TSPAN18: variants seen among roughly 807,000 people sequenced by gnomAD.
TSPAN18 encodes the protein tetraspanin 18.
Under a neutral mutation model 27.3 loss-of-function variants are expected in TSPAN18, and 14 were observed. The observed-to-expected ratio is 0.51, with a 90% CI of 0.34 to 0.80. The LOEUF (loss-of-function observed/expected upper bound fraction) is 0.80, where lower values mean the gene tolerates loss of function less well. Ranked by LOEUF, TSPAN18 falls within the 30% of genes least tolerant of loss-of-function variation. The pLI, the probability that TSPAN18 is intolerant of heterozygous loss-of-function variation, is 0.01. For synonymous variants in TSPAN18, 143 were observed against 136.5 expected (o/e 1.05, Z -0.33); for missense variants, 268 against 323.9 (o/e 0.83, Z 1.32).
intron 2 of TSPAN18, among the ~76,000 whole-genome samples, chr11:44,844,085 T>C (rs991185657): frequency 2.6e-5 from 4 of 152,214 alleles, no homozygotes; most frequent in Admixed American, 6.5e-5. Context: ...TGTTTAGAGA[T>C]TGCAGTAAAG....
At chr11:44,795,253 C>T (rs989197068) in intron 2 of TSPAN18, among the ~76,000 whole-genome samples, 2 of 152,124 alleles carry the variant, frequency 1.3e-5, no homozygotes, top group Non-Finnish European at 2.9e-5. Context: ...CCTCACTGGC[C>T]CACTCCAGCA....
chr11:44,877,321 T>C (rs1336495246), intron 3 of TSPAN18, among the ~76,000 whole-genome samples: 2 of 152,152 alleles, frequency 1.3e-5, no homozygotes, highest in Non-Finnish European at 2.9e-5. Context: ...CTAATGGACA[T>C]TGGGTGGGGT....
At chr11:44,760,748 C>T (rs920259711) in intron 1 of TSPAN18, among the ~76,000 whole-genome samples, 1 of 152,190 alleles carries the variant, frequency 6.6e-6, no homozygotes, top group African/African-American at 2.4e-5. Context: ...TTATACTCAT[C>T]GTAGTTACTG....
At chr11:44,746,327 C>T (rs920384579) in intron 1 of TSPAN18, among the ~76,000 whole-genome samples, 3 of 152,134 alleles carry the variant, frequency 2.0e-5, no homozygotes, top group African/African-American at 7.2e-5. Flanking sequence ...AGGGAACAGA[C>T]GTCTCCTGGT....
intron 3 of TSPAN18, among the ~76,000 whole-genome samples, chr11:44,893,182 G>A (rs950286397): frequency 6.6e-6 from 1 of 152,220 alleles, no homozygotes; most frequent in Non-Finnish European, 1.5e-5. Flanking sequence ...GCAGGGACAG[G>A]GTGCCCATCC....
At chr11:44,802,082 C>G (rs1856492644) in intron 2 of TSPAN18, among the ~76,000 whole-genome samples, 1 of 152,088 alleles carries the variant, frequency 6.6e-6, no homozygotes, top group South Asian at 2.1e-4. Context: ...ATCATCCATG[C>G]ACTTCCCTGC....
At chr11:44,727,670 G>A (rs963373585) in intron 1 of TSPAN18, among the ~76,000 whole-genome samples, 1 of 152,134 alleles carries the variant, frequency 6.6e-6, no homozygotes, top group Admixed American at 6.5e-5. Context: ...GGGGCTGCTC[G>A]CCACGCCACC....
At chr11:44,862,335 G>A (rs1857918510) in intron 3 of TSPAN18, among the ~76,000 whole-genome samples, 1 of 152,224 alleles carries the variant, frequency 6.6e-6, no homozygotes, top group Non-Finnish European at 1.5e-5. Flanking sequence ...ACCACAGCTT[G>A]TGATGCTGCC....
intron 2 of TSPAN18, among the ~76,000 whole-genome samples, chr11:44,791,834 C>G (rs1856231938): frequency 6.6e-6 from 1 of 152,210 alleles, no homozygotes; most frequent in Non-Finnish European, 1.5e-5. Flanking sequence ...GTGACCTCGA[C>G]AAGCCATTTC....
At chr11:44,766,336 G>T (rs1381421135) in intron 2 of TSPAN18, among the ~76,000 whole-genome samples, 1 of 152,204 alleles carries the variant, frequency 6.6e-6, no homozygotes, top group East Asian at 1.9e-4. Context: ...GACAGCGTCT[G>T]TGTCCCACGG....
chr11:44,899,507 C>A (rs542120950), intron 3 of TSPAN18, among the ~76,000 whole-genome samples: 1 of 152,354 alleles, frequency 6.6e-6, no homozygotes, highest in South Asian at 2.1e-4. Context: ...CCCCAGAGTC[C>A]TCCCCTCTCC....
intron 3 of TSPAN18, among the ~76,000 whole-genome samples, chr11:44,875,284 G>A (rs1408297249): frequency 6.6e-6 from 1 of 152,252 alleles, no homozygotes; most frequent in Non-Finnish European, 1.5e-5. Context: ...GCAGCAGAGG[G>A]CTTAGCTTTC....
intron 1 of TSPAN18, among the ~76,000 whole-genome samples, chr11:44,750,157 CAGTT>C (rs1430201668): frequency 2.6e-5 from 4 of 152,186 alleles, no homozygotes; most frequent in South Asian, 2.1e-4. Context: ...AGCAGGCACT[CAGTT>C]AGAATTATTT....
At position 44,742,375 on chromosome 11, in the gene TSPAN18, TC is replaced by T. The variant is rs887065354; in HGVS notation, c.-240+15093del. Among the ~76,000 whole-genome samples, 3 of 141,308 alleles carry T rather than the reference TC, an allele frequency of 2.1e-5. No homozygotes were observed. The Admixed American group carries it at 2.2e-4, about 11-fold the overall frequency. 92.7% of individuals were successfully genotyped at this position (141,308 alleles called of 152,430 possible). ...CTCCTTCCTTCCTTACCTCTTTCCC[TC>T]CCCCATTTTTTCTTTTCTTCGTTCC... is the stretch of plus-strand genomic sequence containing the variant. On this transcript the variant is annotated intron_variant, in intron 1 of 9. Transcript: ENST00000520358.
chr11:44,833,038 T>G (rs1480543380), intron 2 of TSPAN18, among the ~76,000 whole-genome samples: 9 of 152,066 alleles, frequency 5.9e-5, no homozygotes. Flanking sequence ...AGCTTCCATG[T>G]TTGAAGACAC....
At chr11:44,889,753 C>T (rs1314270627) in intron 3 of TSPAN18, among the ~76,000 whole-genome samples, 1 of 152,184 alleles carries the variant, frequency 6.6e-6, no homozygotes, top group Non-Finnish European at 1.5e-5. Context: ...AGCCCTGGAC[C>T]CCAGATAAAC....
At chr11:44,883,568 C>T (rs1858554320) in intron 3 of TSPAN18, among the ~76,000 whole-genome samples, 1 of 152,238 alleles carries the variant, frequency 6.6e-6, no homozygotes, top group African/African-American at 2.4e-5. Context: ...CAACTCCACC[C>T]AGGCCACTCT....
intron 2 of TSPAN18, among the ~76,000 whole-genome samples, chr11:44,829,277 C>T (rs932415051): frequency 1.3e-5 from 2 of 152,116 alleles, no homozygotes; most frequent in African/African-American, 4.8e-5. Context: ...ATGTGTCTAC[C>T]GGTACTGTGT....
At position 44,900,711 on chromosome 11, in the gene TSPAN18, T is replaced by G. The variant is rs894847250; in HGVS notation, c.-10-5696T>G. Among the ~76,000 whole-genome samples, 554 of 91,068 alleles carry G rather than the reference T, an allele frequency of 6.1e-3. 4 individuals carry two copies. Among genetic ancestry groups the G allele is most frequent in the Non-Finnish European group, 0.011 (475 of 44,008 alleles). 59.7% of individuals were successfully genotyped at this position (91,068 alleles called of 152,430 possible). A position where few individuals can be genotyped will look rare whatever the true frequency, so the allele number is the denominator to read the frequency against. ...TTTTTTTTTTTTTTTTTTTTTTTTT[T>G]GAGATGGAATTTCACTCTTGTTGCC... is the stretch of plus-strand genomic sequence containing the variant. On this transcript the variant is annotated intron_variant, in intron 3 of 9. Transcript: ENST00000520358.
Sources: allele counts gnomAD v4.1 joint callset (sites outside exome capture counted in the v4.1 genomes callset), GRCh38; gene constraint gnomAD v4.1.1; transcripts MANE v1.5; gene names NCBI Gene and HGNC (gene_info 2026-07-23, HGNC 2026-07-21).